Variants in GRM5 observed in about 807,000 individuals in gnomAD.
The protein encoded by GRM5 is metabotropic glutamate receptor 5.
In GRM5, 19 loss-of-function variants were observed where a neutral mutation model predicts 83.1. That is an observed-to-expected ratio of 0.23 (90% confidence interval 0.16 to 0.34). The LOEUF (loss-of-function observed/expected upper bound fraction) is 0.34, where lower values mean the gene tolerates loss of function less well. Among genes scored for constraint, GRM5 ranks in the 10% least tolerant of loss-of-function variants. The pLI is 1.00. For synonymous variants in GRM5, 675 were observed against 633.6 expected (o/e 1.07, Z -0.98); for missense variants, 1,160 against 1,588.3 (o/e 0.73, Z 4.58).
chr11:88,659,567 C>A (rs1295791024), intron 3 of GRM5, among the ~76,000 whole-genome samples: 1 of 152,028 alleles, frequency 6.6e-6, no homozygotes, highest in Non-Finnish European at 1.5e-5. Flanking sequence ...TATGCTTATA[C>A]TAAAAGTATT....
chr11:88,933,012 T>A (rs1022844985), intron 2 of GRM5, among the ~76,000 whole-genome samples: 1 of 151,950 alleles, frequency 6.6e-6, no homozygotes, highest in African/African-American at 2.4e-5. Context: ...AAACACACTA[T>A]CTGAGATTCT....
At chr11:88,853,445 T>C (rs1944421177) in intron 2 of GRM5, among the ~76,000 whole-genome samples, 1 of 151,968 alleles carries the variant, frequency 6.6e-6, no homozygotes, top group South Asian at 2.1e-4. Context: ...AAAATGTATG[T>C]GATTAAGGGA....
intron 2 of GRM5, among the ~76,000 whole-genome samples, chr11:89,040,433 G>A (rs1219429577): frequency 6.6e-6 from 1 of 152,176 alleles, no homozygotes; most frequent in African/African-American, 2.4e-5. Context: ...GACAATGTCG[G>A]TTGTCGTAGC....
intron 7 of GRM5, among the ~76,000 whole-genome samples, chr11:88,588,387 C>T (rs1202238507): frequency 6.6e-6 from 1 of 151,922 alleles, no homozygotes; most frequent in Non-Finnish European, 1.5e-5. Context: ...CCATTCCTGT[C>T]ATTAAAAAAA....
chr11:88,780,714 TG>T (rs11362940), intron 3 of GRM5, among the ~76,000 whole-genome samples: 4,352 of 152,210 alleles, frequency 0.029, 218 homozygotes, highest in African/African-American at 0.098. Context: ...GTTGTAAAGA[TG>T]GGGGTCTCAC....
intron 2 of GRM5, among the ~76,000 whole-genome samples, chr11:88,999,512 G>T (rs2135065865): frequency 6.6e-6 from 1 of 152,260 alleles, no homozygotes; most frequent in African/African-American, 2.4e-5. Context: ...GGCCATCAGA[G>T]AAATGTAAAT....
At chr11:88,714,667 A>T (rs1941361298) in intron 3 of GRM5, among the ~76,000 whole-genome samples, 1 of 151,888 alleles carries the variant, frequency 6.6e-6, no homozygotes, top group African/African-American at 2.4e-5. Context: ...TCACTTCATA[A>T]AGCCCTTAAA....
chr11:88,961,514 T>C (rs528616610), intron 2 of GRM5, among the ~76,000 whole-genome samples: 1 of 152,284 alleles, frequency 6.6e-6, no homozygotes, highest in South Asian at 2.1e-4. Flanking sequence ...CTCATTTGTC[T>C]CACAGATAAA....
chr11:88,874,510 C>T (rs1944819020), intron 2 of GRM5, among the ~76,000 whole-genome samples: 1 of 151,752 alleles, frequency 6.6e-6, no homozygotes, highest in Non-Finnish European at 1.5e-5. Context: ...GAAAAAAATG[C>T]TTTATGACGT....
intron 2 of GRM5, among the ~76,000 whole-genome samples, chr11:88,881,200 T>G: frequency 6.6e-6 from 1 of 152,042 alleles, no homozygotes; most frequent in Non-Finnish European, 1.5e-5. Context: ...CTCATTTTCT[T>G]TTAAAGGAAT....
chr11:88,736,766 T>A (rs1941923164), intron 3 of GRM5, among the ~76,000 whole-genome samples: 1 of 151,992 alleles, frequency 6.6e-6, no homozygotes, highest in African/African-American at 2.4e-5. Context: ...TAATACACCA[T>A]GACAAGATTA....
At position 88,509,270 on chromosome 11, in the gene GRM5, T is replaced by C. The variant is rs954926978; in HGVS notation, c.2961A>G (p.Pro987=). 74 of 1,469,612 alleles carry C rather than the reference T, an allele frequency of 5.0e-5. No individual in the cohort carries two copies. Among genetic ancestry groups the C allele is most frequent in the Non-Finnish European group, 6.3e-5 (70 of 1,115,190 alleles). 91.0% of individuals were successfully genotyped at this position (1,469,612 alleles called of 1,614,324 possible). A position where few individuals can be genotyped will look rare whatever the true frequency, so the allele number is the denominator to read the frequency against. Residue 987 remains proline, a synonymous_variant, in exon 10 of 10, where the codon CCA becomes CCG. Coordinates refer to ENST00000305447, the MANE Select transcript of GRM5 (RefSeq NM_001143831.3). ...CGGCGTCTGGGGACTCGGGCCCGCC[T>C]GGGCCGGCGCCTGCGCAGCCCGCAC... The part of the protein sequence containing the change: ...TGGAGCAGAG[P]GGPESPDAGP...
At chr11:88,927,122 T>C (rs1565295680) in intron 2 of GRM5, among the ~76,000 whole-genome samples, 1 of 152,146 alleles carries the variant, frequency 6.6e-6, no homozygotes, top group Non-Finnish European at 1.5e-5. Flanking sequence ...CTCTTTATCC[T>C]GGGGTGGTTT....
chr11:88,655,498 A>C (rs1434157989), intron 3 of GRM5, among the ~76,000 whole-genome samples: 1 of 152,148 alleles, frequency 6.6e-6, no homozygotes, highest in African/African-American at 2.4e-5. Context: ...ATATTACATA[A>C]GAAATGTAAG....
At chr11:89,012,275 T>C (rs903014135) in intron 2 of GRM5, among the ~76,000 whole-genome samples, 1 of 152,170 alleles carries the variant, frequency 6.6e-6, no homozygotes, top group African/African-American at 2.4e-5. Flanking sequence ...TGTATCTGCA[T>C]ATAATACTTG....
intron 3 of GRM5, among the ~76,000 whole-genome samples, chr11:88,659,278 T>C (rs939640538): frequency 3.9e-5 from 6 of 152,104 alleles, no homozygotes; most frequent in Non-Finnish European, 7.4e-5. Context: ...AGAAAATGAA[T>C]ATGAGTTGGG....
chr11:88,984,694 G>T (rs1224855677), intron 2 of GRM5: 2 of 600,200 alleles, frequency 3.3e-6, no homozygotes, highest in Admixed American at 2.9e-5. Flanking sequence ...ATCAAAAAGG[G>T]TTAAAAGTTT....
chr11:88,527,942 G>A (rs1941918216), intron 8 of GRM5, among the ~76,000 whole-genome samples: 1 of 151,952 alleles, frequency 6.6e-6, no homozygotes, highest in Non-Finnish European at 1.5e-5. Context: ...GAGGGTGGAG[G>A]GTGGGAGGAG....
At chr11:88,771,952 T>C (rs1433670580) in intron 3 of GRM5, among the ~76,000 whole-genome samples, 1 of 152,154 alleles carries the variant, frequency 6.6e-6, no homozygotes, top group East Asian at 1.9e-4. Context: ...CATGAAATCA[T>C]GTAGTTTGTA....
Sources: gnomAD v4.1 joint callset for allele counts (sites outside exome capture counted in the v4.1 genomes callset) on GRCh38, gnomAD v4.1.1 for gene constraint, MANE v1.5 for transcripts, NCBI Gene and HGNC (gene_info 2026-07-23, HGNC 2026-07-21) for gene names.